Variants in KAZN observed in about 807,000 individuals in gnomAD.
The protein encoded by KAZN is kazrin, periplakin interacting protein, also known as kazrin.
KAZN carries 40 observed loss-of-function variants against 87.4 expected under a neutral mutation model. The ratio of observed to expected loss-of-function variants is 0.46; its 90% confidence interval spans 0.36 to 0.60. KAZN has a LOEUF of 0.60. Ranked by LOEUF, KAZN falls within the 20% of genes least tolerant of loss-of-function variation. The pLI is 0.00. For synonymous variants in KAZN, 466 were observed against 458.3 expected (o/e 1.02, Z -0.22); for missense variants, 898 against 1,073.9 (o/e 0.84, Z 2.29).
chr1:14,150,967 C>T (rs1645459946), intron 1 of KAZN, among the ~76,000 whole-genome samples: 1 of 151,022 alleles, frequency 6.6e-6, no homozygotes, highest in Admixed American at 6.6e-5. Context: ...CATTGTCATA[C>T]ACACACACAC....
chr1:14,279,560 C>T (rs1398387850), intron 2 of KAZN, among the ~76,000 whole-genome samples: 1 of 152,178 alleles, frequency 6.6e-6, no homozygotes, highest in Non-Finnish European at 1.5e-5. Flanking sequence ...TTCTAGAAAA[C>T]CCACAGTCAT....
At chr1:14,358,964 C>T (rs759965011) in intron 2 of KAZN, among the ~76,000 whole-genome samples, 25 of 152,100 alleles carry the variant, frequency 1.6e-4, no homozygotes, top group Non-Finnish European at 3.4e-4. Context: ...GAGCTGAGTT[C>T]AAGTCCTGGA....
intron 1 of KAZN, among the ~76,000 whole-genome samples, chr1:14,846,847 T>C (rs1379576696): frequency 2.0e-5 from 3 of 152,004 alleles, no homozygotes; most frequent in African/African-American, 7.3e-5. Context: ...GTGACTGTGG[T>C]TCAGAGAGGT....
intron 2 of KAZN, among the ~76,000 whole-genome samples, chr1:14,226,907 A>T (rs1174010990): frequency 6.6e-6 from 1 of 152,196 alleles, no homozygotes; most frequent in Non-Finnish European, 1.5e-5. Flanking sequence ...GAGGGTGGAC[A>T]GTGGGAAAGT....
chr1:14,724,183 G>A (rs1048906243), intron 1 of KAZN, among the ~76,000 whole-genome samples: 5 of 152,018 alleles, frequency 3.3e-5, no homozygotes, highest in Non-Finnish European at 7.4e-5. Flanking sequence ...TCTTTCATGC[G>A]CTTTTTAAAA....
intron 2 of KAZN, among the ~76,000 whole-genome samples, chr1:15,000,154 G>GCCTCTAAAAAATAAA (rs1557702172): frequency 6.6e-6 from 1 of 151,618 alleles, no homozygotes; most frequent in African/African-American, 2.4e-5. Flanking sequence ...ATGTGAGACT[G>GCCTCTAAAAAATAAA]GAAAAAGGTC....
At chr1:14,571,894 GT>G (rs1674892255) in intron 2 of KAZN, among the ~76,000 whole-genome samples, 1 of 152,204 alleles carries the variant, frequency 6.6e-6, no homozygotes, top group Admixed American at 6.5e-5. Context: ...TGAGGGCAAT[GT>G]AACTACTCCA....
intron 1 of KAZN, among the ~76,000 whole-genome samples, chr1:14,136,015 C>G (rs4661475): frequency 0.56 from 84,885 of 151,916 alleles, 24,664 homozygotes; most frequent in East Asian, 0.75. Flanking sequence ...TTACTGGCTC[C>G]CAAGCAGTGA....
At chr1:14,429,418 G>T (rs1209407600) in intron 2 of KAZN, among the ~76,000 whole-genome samples, 3 of 152,124 alleles carry the variant, frequency 2.0e-5, no homozygotes, top group African/African-American at 7.2e-5. Flanking sequence ...AATCCTGCTT[G>T]GCATTGAACT....
Position 14,382,815 on chromosome 1 carries a change from G to A in KAZN, c.249+202223G>A, listed in dbSNP as rs1324068971. Among the ~76,000 whole-genome samples the A allele has an allele frequency of 4.0e-5, 6 of 151,532 alleles. 1 individual carries two copies. Among genetic ancestry groups the A allele is most frequent in the African/African-American group, 1.5e-4 (6 of 41,328 alleles). Reference sequence around the variant, plus strand: ...TGTCTTTATAGCAGCATGATTTATAGTCCTTTGGGTATATACCCAGTAATG... The same window carrying A: ...TGTCTTTATAGCAGCATGATTTATAATCCTTTGGGTATATACCCAGTAATG... On this transcript the variant is annotated intron_variant, in intron 2 of 16. Transcript: ENST00000636203.
chr1:13,900,887 A>T (rs1557708798), intron 1 of KAZN, among the ~76,000 whole-genome samples: 1 of 152,208 alleles, frequency 6.6e-6, no homozygotes, highest in African/African-American at 2.4e-5. Context: ...TAGTAGATCA[A>T]CATTTGCTGT....
intron 1 of KAZN, among the ~76,000 whole-genome samples, chr1:14,649,030 A>G (rs1325026975): frequency 6.6e-6 from 1 of 152,222 alleles, no homozygotes; most frequent in Non-Finnish European, 1.5e-5. Context: ...TGATTTCCCA[A>G]ACCACTTGGA....
At chr1:14,515,769 C>A (rs1367164694) in intron 2 of KAZN, among the ~76,000 whole-genome samples, 1 of 152,260 alleles carries the variant, frequency 6.6e-6, no homozygotes, top group African/African-American at 2.4e-5. Context: ...CCTTCCACCA[C>A]CAGCCGTTTT....
At chr1:14,910,498 T>G (rs965490767) in intron 1 of KAZN, among the ~76,000 whole-genome samples, 1 of 152,108 alleles carries the variant, frequency 6.6e-6, no homozygotes, top group African/African-American at 2.4e-5. Context: ...CCAGGAGCAG[T>G]CCCCACCTCC....
At chr1:13,981,126 GAT>G (rs1638684512) in intron 1 of KAZN, among the ~76,000 whole-genome samples, 3 of 24,134 alleles carry the variant, frequency 1.2e-4, no homozygotes, top group Non-Finnish European at 1.7e-4. Context: ...TATAAACACA[GAT>G]TATATATAGT....
chr1:14,235,746 A>G (rs994005580), intron 2 of KAZN, among the ~76,000 whole-genome samples: 7 of 152,346 alleles, frequency 4.6e-5, no homozygotes, highest in Admixed American at 3.9e-4. Context: ...TGAAAATACT[A>G]TGGCCACTGG....
intron 1 of KAZN, among the ~76,000 whole-genome samples, chr1:14,845,206 A>G (rs1485523538): frequency 8.0e-4 from 79 of 98,450 alleles, no homozygotes; most frequent in Middle Eastern, 0.017. Flanking sequence ...TGGGTGAGTG[A>G]GTGGATGGGT....
chr1:14,381,952 T>C (rs937852518), intron 2 of KAZN, among the ~76,000 whole-genome samples: 3 of 152,098 alleles, frequency 2.0e-5, no homozygotes, highest in African/African-American at 7.2e-5. Flanking sequence ...CAAAAAACTA[T>C]TAGAACTGAT....
rs1312569396 is a variant in KAZN at position 15,114,631 on chromosome 1, T to C, written c.2324T>C (p.Val775Ala). 1.3e-6 allele frequency: 2 copies of C among 1,579,698 alleles called. No homozygotes were observed. The highest frequency in any genetic ancestry group is 1.8e-5 in the Admixed American group (1 of 54,488). ...TACAACAGCCTGGAGGTCACCAACGTGTAAGGAACTGGTGGCTCCACCAGA... is the reference window on the plus strand; with the variant it reads ...TACAACAGCCTGGAGGTCACCAACGCGTAAGGAACTGGTGGCTCCACCAGA... ...EGYNSLEVTN[V>A] The change falls in exon 15 of 15, where the codon GTG becomes GCG. Residue 775 changes from valine to alanine, a missense_variant. Transcript: ENST00000376030.
Sources: gnomAD v4.1 joint callset for allele counts (sites outside exome capture counted in the v4.1 genomes callset) on GRCh38, gnomAD v4.1.1 for gene constraint, MANE v1.5 for transcripts, NCBI Gene and HGNC (gene_info 2026-07-23, HGNC 2026-07-21) for gene names.